Variants in KLK5 observed in about 807,000 individuals in gnomAD.
The protein encoded by KLK5 is kallikrein-5.
A neutral mutation model predicts 24.0 loss-of-function variants in KLK5; 18 were observed. That is an observed-to-expected ratio of 0.75 (90% CI 0.52 to 1.11). The LOEUF (loss-of-function observed/expected upper bound fraction) is 1.11, where lower values mean the gene tolerates loss of function less well. Ranked by LOEUF, KLK5 falls within the 50% of genes most tolerant of loss-of-function variation. KLK5 has a pLI of 0.00. For missense variants in KLK5, 374 were observed against 379.2 expected, an observed-to-expected ratio of 0.99 and a Z score of 0.11; for synonymous variants, 140 against 154.0, an observed-to-expected ratio of 0.91 and a Z score of 0.67.
chr19:50,950,103 G>A lies in KLK5; in HGVS notation c.87C>T (p.Ala29=). 6.2e-7 allele frequency: 1 copy of A among 1,609,488 alleles called. No homozygotes were observed. The highest frequency in any genetic ancestry group is 8.5e-7 in the Non-Finnish European group (1 of 1,177,226). ...GGTGGTCACAGGAAACATCATTGTT[G>A]GCGAGAACATGCTCTGGGAACGGAA... ...LLLGVTEHVL[A]NNDVSCDHPS... Residue 29 remains alanine, a synonymous_variant, in exon 3 of 6, where the codon GCC becomes GCT. Transcript: ENST00000336334.
Position 50,949,043 on chromosome 19 carries a change from C to A in KLK5, c.408G>T (p.Gly136=), listed in dbSNP as rs1031987528. 6.2e-7 allele frequency: 1 copy of A among 1,613,642 alleles called. No homozygotes were observed. The highest frequency in any genetic ancestry group is 1.1e-5 in the South Asian group (1 of 91,058). Residue 136 remains glycine (G), a synonymous_variant, in exon 4 of 6, where the codon GGG becomes GGT. Transcript: ENST00000336334. The part of the protein sequence containing the change: ...VYESGQQMFQ[G]VKSIPHPGYS... The stretch of plus-strand genomic sequence containing the variant: ...AGCCAGGGTGGGGGATGGATTTGAC[C>A]CCCTGGAACATCTGCTGCCCAGATT...
chr19:50,945,434 C>G (rs1454903900), intron 5 of KLK5, among the ~76,000 whole-genome samples: 1 of 151,748 alleles, frequency 6.6e-6, no homozygotes, highest in Non-Finnish European at 1.5e-5. Flanking sequence ...AATAGCCACT[C>G]GGCTAATATT....
At chr19:50,952,712 G>T in intron 1 of KLK5, 35 bp downstream of exon 1, 1 of 1,443,096 alleles carries the variant, frequency 6.9e-7, no homozygotes, top group Non-Finnish European at 9.4e-7. Flanking sequence ...AGGCGATCCG[G>T]GGAGCCCTTA....
rs1430448922 is a variant in KLK5 at position 50,945,049 on chromosome 19, TTCCTTTCTTTC to T, written c.727-1274_727-1264del. On this transcript the variant is annotated intron_variant, in intron 5 of 5. Coordinates refer to ENST00000336334, the MANE Select transcript of KLK5 (RefSeq NM_012427.5). ...CCTTCCTTCCTTTCTTTCTCCTTCCTTCCTTTCTTTCTCCTTCCTTCCTTCCTTTCTCTCTC... is the reference window on the plus strand; with the variant it reads ...CCTTCCTTCCTTTCTTTCTCCTTCCTTCCTTCCTTCCTTCCTTTCTCTCTC... Among the ~76,000 whole-genome samples the T allele has an allele frequency of 3.7e-4, 51 of 139,452 alleles. No homozygotes were observed. In the East Asian group the frequency reaches 7.3e-3, roughly 20 times the overall value. 91.5% of individuals were successfully genotyped at this position (139,452 alleles called of 152,430 possible).
At chr19:50,944,098 G>A (rs1461056376) in intron 5 of KLK5, among the ~76,000 whole-genome samples, 1 of 151,964 alleles carries the variant, frequency 6.6e-6, no homozygotes, top group Non-Finnish European at 1.5e-5. Context: ...CCATCTCCCG[G>A]GTTCAAGCAA....
At chr19:50,949,747 T>TCCCCCTCCCC in intron 3 of KLK5, 108 bp downstream of exon 3, 4 of 426,654 alleles carry the variant, frequency 9.4e-6, no homozygotes, top group South Asian at 2.4e-5. Context: ...CAACCCCACT[T>TCCCCCTCCCC]CCCCGTCCCC....
At chr19:50,944,232 C>A (rs149797313) in intron 5 of KLK5, among the ~76,000 whole-genome samples, 18 of 152,156 alleles carry the variant, frequency 1.2e-4, no homozygotes, top group African/African-American at 4.3e-4. Context: ...GTCTCGAACT[C>A]CTGGCCTCAA....
rs11666803 is a variant in KLK5 at position 50,947,081 on chromosome 19, C to T, written c.726+1559G>A. ...CTGCTAATGAGAGCTTGTTAACTTA[C>T]GTCCTTCTAGATCCCTTGGGAGCCT... On this transcript the variant is annotated intron_variant, in intron 5 of 5. Coordinates refer to ENST00000336334, the MANE Select transcript of KLK5 (RefSeq NM_012427.5). This position sits in a 1 kb window ranked among gnomAD's most constrained non-coding sequence, Gnocchi z 8.7. Among the ~76,000 whole-genome samples, 10,413 of 152,188 alleles carry T rather than the reference C, an allele frequency of 0.068. 408 individuals carry two copies. The highest frequency in any genetic ancestry group is 0.13 in the Admixed American group (2,023 of 15,270).
chr19:50,948,403 G>A (rs60068796), intron 5 of KLK5, among the ~76,000 whole-genome samples: 2,473 of 152,242 alleles, frequency 0.016, 67 homozygotes, highest in African/African-American at 0.056. Context: ...GATTACAGGT[G>A]TGAGCCACTG....
chr19:50,951,096 A>T (rs1216369143), intron 2 of KLK5, among the ~76,000 whole-genome samples: 1 of 152,008 alleles, frequency 6.6e-6, no homozygotes, highest in Non-Finnish European at 1.5e-5. Flanking sequence ...AGAAGGGCTC[A>T]GCTTAGGGGG....
At chr19:50,945,058 T>TTCTCCTTCCTTCCTTCCTTTCTC (rs2090619778) in intron 5 of KLK5, among the ~76,000 whole-genome samples, 1 of 135,252 alleles carries the variant, frequency 7.4e-6, no homozygotes, top group Non-Finnish European at 1.6e-5. Flanking sequence ...CTTCCTTTCT[T>TTCTCCTTCCTTCCTTCCTTTCTC]TCTCCTTCCT....
In KLK5 at chr19:50,950,064, C is replaced by T; in HGVS notation, c.126G>A (p.Val42=). Residue 42 remains valine, a synonymous_variant, in exon 3 of 6, where the codon GTG becomes GTA. Coordinates refer to ENST00000336334, the MANE Select transcript of KLK5 (RefSeq NM_012427.5). Reference sequence around the variant, plus strand: ...CCAGGTCCTGGTTGCTCCCAGAGGGCACGGTGTTAGAGGGGTGGTCACAGG... The same window carrying T: ...CCAGGTCCTGGTTGCTCCCAGAGGGTACGGTGTTAGAGGGGTGGTCACAGG... The part of the protein sequence containing the change: ...DVSCDHPSNT[V]PSGSNQDLGA... The T allele has an allele frequency of 1.9e-6, 3 of 1,613,702 alleles. No homozygotes were observed. Among genetic ancestry groups the T allele is most frequent in the Non-Finnish European group, 2.5e-6 (3 of 1,179,956 alleles).
rs773015791 is a variant in KLK5, at chr19:50,943,596, G to A, written c.*35C>T. The A allele has an allele frequency of 7.5e-6, 12 of 1,593,900 alleles. No homozygotes were observed. In the South Asian group the frequency reaches 8.9e-5, roughly 12 times the overall value. On this transcript the variant is annotated 3_prime_UTR_variant, in exon 6 of 6. Coordinates refer to ENST00000336334, the MANE Select transcript of KLK5 (RefSeq NM_012427.5). The stretch of plus-strand genomic sequence containing the variant: ...GAGTGTCAGGGCTGTCCCTGCAGCA[G>A]GTGGGGATGCCGGTGTGCTGAGTCC...
At position 50,950,089 on chromosome 19, in the gene KLK5, G is replaced by T. The variant is rs770159319; in HGVS notation, c.101C>A (p.Ser34Tyr). ...CACGGTGTTAGAGGGGTGGTCACAG[G>T]AAACATCATTGTTGGCGAGAACATG... ...TEHVLANNDVSCDHPSNTVPS... is the reference protein window; with the variant it reads ...TEHVLANNDVYCDHPSNTVPS... The change falls in exon 3 of 6, where the codon TCC (serine) becomes TAC (tyrosine). Residue 34 changes from serine (S) to tyrosine (Y), a missense_variant. Coordinates refer to ENST00000336334, the MANE Select transcript of KLK5 (RefSeq NM_012427.5). 8 of 1,611,212 alleles carry T rather than the reference G, an allele frequency of 5.0e-6. No individual in the cohort carries two copies. The South Asian group carries it at 7.7e-5, about 15-fold the overall frequency.
Position 50,949,005 on chromosome 19 carries a change from C to G in KLK5, c.446G>C (p.Gly149Ala). Residue 149 changes from glycine (G) to alanine (A), a missense_variant, in exon 4 of 6, where the codon GGC (glycine) becomes GCC (alanine). Transcript: ENST00000336334. ...GATGAGCATGAGGTCGTTAGAGTGG[C>G]CAGGGTGGGAGTAGCCAGGGTGGGG... Reference protein sequence around the residue: ...SIPHPGYSHPGHSNDLMLIKL... With the variant: ...SIPHPGYSHPAHSNDLMLIKL... 6.2e-7 allele frequency: 1 copy of G among 1,613,848 alleles called. No homozygotes were observed. Among genetic ancestry groups the G allele is most frequent in the South Asian group, 1.1e-5 (1 of 91,038 alleles).
rs1192371754 is a variant in KLK5, at chr19:50,950,124, C to T, written c.74-8G>A. The T allele has an allele frequency of 3.2e-6, 5 of 1,557,868 alleles. No individual in the cohort carries two copies. Among genetic ancestry groups the T allele is most frequent in the Non-Finnish European group, 4.4e-6 (5 of 1,146,274 alleles). ...TGTTGGCGAGAACATGCTCTGGGAA[C>T]GGAAAATGGGTTGGGCGGGGCTCAG... On this transcript the variant is annotated splice_polypyrimidine_tract_variant and splice_region_variant and intron_variant, in intron 2 of 5. Coordinates refer to ENST00000336334, the MANE Select transcript of KLK5 (RefSeq NM_012427.5).
intron 5 of KLK5, among the ~76,000 whole-genome samples, chr19:50,944,195 C>T (rs978262929): frequency 1.3e-5 from 2 of 151,874 alleles, no homozygotes; most frequent in Non-Finnish European, 2.9e-5. Context: ...TTTGTAGAGA[C>T]GGGGTTTCAC....
At position 50,943,343 on chromosome 19, in the gene KLK5, G is replaced by C; in HGVS notation, c.*288C>G. The C allele has an allele frequency of 6.9e-6, 2 of 288,308 alleles. No individual in the cohort carries two copies. The highest frequency in any genetic ancestry group is 1.3e-5 in the Non-Finnish European group (2 of 154,286). The allele number at this position is 288,308 out of a possible 1,614,324, so 17.9% of individuals were successfully genotyped here. On this transcript the variant is annotated 3_prime_UTR_variant, in exon 6 of 6. Transcript: ENST00000336334. ...TATTTCTGGGACTAAATTTGGGTCA[G>C]AGCTGCAGAGAAGGGATGGGCCCTG...
chr19:50,950,525 A>G (rs2090677786), intron 2 of KLK5, among the ~76,000 whole-genome samples: 1 of 151,842 alleles, frequency 6.6e-6, no homozygotes, highest in Non-Finnish European at 1.5e-5. Flanking sequence ...TCAGGGCTGG[A>G]GGCAGGAAGG....
Sources: gnomAD v4.1 joint callset for allele counts (sites outside exome capture counted in the v4.1 genomes callset) on GRCh38, gnomAD v4.1.1 for gene constraint, Gnocchi (gnomAD v3.1) non-coding constraint, MANE v1.5 for transcripts, NCBI Gene and HGNC (gene_info 2026-07-23, HGNC 2026-07-21) for gene names.